Variants in ZNF569 observed in about 807,000 individuals in gnomAD.
The protein encoded by ZNF569 is zinc finger protein 569.
ZNF569 carries 38 observed loss-of-function variants against 56.3 expected under a neutral mutation model. That is an observed-to-expected ratio of 0.68 (90% CI 0.52 to 0.88). The LOEUF is 0.88. Among genes scored for constraint, ZNF569 ranks in the 40% least tolerant of loss-of-function variants. ZNF569 has a pLI of 0.00. For missense variants in ZNF569, 666 were observed against 809.2 expected (o/e 0.82, Z 2.15); for synonymous variants, 241 against 262.9 (o/e 0.92, Z 0.81).
At chr19:37,435,506 T>G (rs1367874513) in intron 3 of ZNF569, among the ~76,000 whole-genome samples, 4 of 152,062 alleles carry the variant, frequency 2.6e-5, no homozygotes, top group Admixed American at 6.6e-5. Flanking sequence ...GGACTAACAT[T>G]TGAATGTAAA....
At chr19:37,429,580 T>C (rs1199036066) in intron 3 of ZNF569, among the ~76,000 whole-genome samples, 1 of 152,236 alleles carries the variant, frequency 6.6e-6, no homozygotes, top group East Asian at 1.9e-4. Context: ...GCTCGAATCC[T>C]CTTTAAGGGA....
intron 3 of ZNF569, among the ~76,000 whole-genome samples, chr19:37,439,230 C>T (rs2041364243): frequency 6.6e-6 from 1 of 152,192 alleles, no homozygotes; most frequent in South Asian, 2.1e-4. Flanking sequence ...ACCACCATGC[C>T]TGGCTCATTT....
At chr19:37,450,761 T>A (rs1195457860) in intron 2 of ZNF569, among the ~76,000 whole-genome samples, 1 of 152,208 alleles carries the variant, frequency 6.6e-6, no homozygotes, top group Non-Finnish European at 1.5e-5. Context: ...TAAGAGCTTA[T>A]CCATATGAAT....
intron 2 of ZNF569, among the ~76,000 whole-genome samples, chr19:37,463,227 A>G (rs776662723): frequency 9.2e-5 from 14 of 152,004 alleles, no homozygotes; most frequent in Non-Finnish European, 1.9e-4. Context: ...AAAGTACTAC[A>G]ATACAGTCAT....
At chr19:37,439,904 C>T (rs1214290361) in intron 3 of ZNF569, among the ~76,000 whole-genome samples, 1 of 152,084 alleles carries the variant, frequency 6.6e-6, no homozygotes, top group Non-Finnish European at 1.5e-5. Flanking sequence ...TTACCAGCAG[C>T]TAGGAAGGAT....
At chr19:37,415,651 G>C (rs559569555) in intron 5 of ZNF569, among the ~76,000 whole-genome samples, 1 of 150,448 alleles carries the variant, frequency 6.6e-6, no homozygotes, top group African/African-American at 2.4e-5. Flanking sequence ...CGGGCGGATC[G>C]CGAGGTCAGG....
At chr19:37,414,785 C>T (rs887421298) in intron 5 of ZNF569, among the ~76,000 whole-genome samples, 25 of 152,074 alleles carry the variant, frequency 1.6e-4, no homozygotes, top group Non-Finnish European at 1.0e-4. Context: ...GATCATTTTG[C>T]GGGACTCTAT....
Position 37,414,055 on chromosome 19 carries a change from G to A in ZNF569, c.603C>T (p.Leu201=). 6.2e-7 allele frequency: 1 copy of A among 1,613,510 alleles called. No individual in the cohort carries two copies. Among genetic ancestry groups the A allele is most frequent in the Non-Finnish European group, 8.5e-7 (1 of 1,179,868 alleles). Residue 201 remains leucine, a synonymous_variant, in exon 6 of 6, where the codon CTC becomes CTT. Coordinates refer to ENST00000316950, the MANE Select transcript of ZNF569 (RefSeq NM_152484.3). The part of the protein sequence containing the change: ...CGKGFNQTLD[L]IRHLRIHTGE... ...CAGTATGAATTCTCAGATGTCTGAT[G>A]AGGTCCAAAGTCTGATTGAAGCCTT... is the stretch of plus-strand genomic sequence containing the variant.
At chr19:37,468,073 T>G (rs985895122), upstream of ZNF569, 31 of 506,554 alleles carry the variant, frequency 6.1e-5, no homozygotes, top group Admixed American at 4.2e-5. Context: ...CCTTTCGTGT[T>G]TTTTTTTTTT....
chr19:37,412,443 T>A lies in ZNF569; in HGVS notation c.*154A>T. The A allele has an allele frequency of 7.7e-7, 1 of 1,296,054 alleles. No homozygotes were observed. Among genetic ancestry groups the A allele is most frequent in the Non-Finnish European group, 9.9e-7 (1 of 1,008,794 alleles). 80.3% of individuals were successfully genotyped at this position (1,296,054 alleles called of 1,614,324 possible). A position where few individuals can be genotyped will look rare whatever the true frequency, so the allele number is the denominator to read the frequency against. On this transcript the variant is annotated 3_prime_UTR_variant, in exon 6 of 6. Coordinates refer to ENST00000316950, the MANE Select transcript of ZNF569 (RefSeq NM_152484.3). ...CTTTTTCATTATATAATTTGTCACC[T>A]TGGAAGAATTCTCTAATGTTTCATA...
chr19:37,413,728 C>T lies in ZNF569; in HGVS notation c.930G>A (p.Lys310=), dbSNP rs749299704. ...CNECGKAFSQ[K]QSLIAHQKVH... ...CTTTCTGATGTGCAATGAGGCTTTG[C>T]TTCTGGCTGAATGCTTTTCCACACT... Residue 310 remains lysine (K), a synonymous_variant, in exon 6 of 6, where the codon AAG becomes AAA. Coordinates refer to ENST00000316950, the MANE Select transcript of ZNF569 (RefSeq NM_152484.3). 14 of 1,613,328 alleles carry T rather than the reference C, an allele frequency of 8.7e-6. No individual in the cohort carries two copies. The South Asian group carries it at 1.5e-4, about 18-fold the overall frequency.
rs1307081714 is a variant in ZNF569, at chr19:37,413,264, G to A, written c.1394C>T (p.Pro465Leu). 2 of 1,611,038 alleles carry A rather than the reference G, an allele frequency of 1.2e-6. No individual in the cohort carries two copies. The highest frequency in any genetic ancestry group is 1.7e-5 in the Admixed American group (1 of 59,298). The change falls in exon 6 of 6, where the codon CCC becomes CTC. Residue 465 changes from proline to leucine, a missense_variant. By Grantham distance (98) the Pro-to-Leu change is moderately conservative. Transcript: ENST00000316950. ...RHQRIHTGEK[P>L]YICKECGKAF... Reference sequence around the variant, plus strand: ...TTTCCCACATTCCTTACATATATAGGGTTTTTCCCCAGTATGAATTCTCTG... The same window carrying A: ...TTTCCCACATTCCTTACATATATAGAGTTTTTCCCCAGTATGAATTCTCTG...
chr19:37,467,740 G>A (rs1379051078), upstream of ZNF569: 3 of 721,424 alleles, frequency 4.2e-6, no homozygotes, highest in East Asian at 2.7e-5. Context: ...GTGAAACTTC[G>A]GCCATGGAAT....
At chr19:37,468,393 A>C (rs2041888666), upstream of ZNF569, among the ~76,000 whole-genome samples, 1 of 152,152 alleles carries the variant, frequency 6.6e-6, no homozygotes, top group Non-Finnish European at 1.5e-5. Context: ...GCCGGTCTTA[A>C]TACCTTTAAT....
upstream of ZNF569, chr19:37,468,072 T>TG: frequency 4.9e-6 from 1 of 203,490 alleles, no homozygotes; most frequent in East Asian, 7.6e-5. Flanking sequence ...GCCTTTCGTG[T>TG]TTTTTTTTTT....
chr19:37,436,461 T>C (rs1449877940), intron 3 of ZNF569, among the ~76,000 whole-genome samples: 2 of 151,046 alleles, frequency 1.3e-5, no homozygotes, highest in African/African-American at 2.4e-5. Flanking sequence ...CTCAAAATTA[T>C]TAGAAGAAAA....
Position 37,452,649 on chromosome 19 carries a change from C to G in ZNF569, c.-43-7685G>C, listed in dbSNP as rs542932938. 1.4e-4 allele frequency among the ~76,000 whole-genome samples: 22 copies of G among 152,242 alleles called. 1 individual carries two copies. In the South Asian group the frequency reaches 3.7e-3, roughly 26 times the overall value. Reference sequence around the variant, plus strand: ...TTTGAATATATCATTCTACTCTGTTCTCGCCTGCAAAGTTTCTGCTGAAAA... The same window carrying G: ...TTTGAATATATCATTCTACTCTGTTGTCGCCTGCAAAGTTTCTGCTGAAAA... On this transcript the variant is annotated intron_variant, in intron 2 of 5. Coordinates refer to ENST00000316950, the MANE Select transcript of ZNF569 (RefSeq NM_152484.3).
chr19:37,431,489 A>T (rs921018917), intron 3 of ZNF569: 6 of 152,310 alleles, frequency 3.9e-5, no homozygotes, highest in African/African-American at 1.4e-4. Flanking sequence ...TCTTCGCAGC[A>T]TTTATCACCT....
upstream of ZNF569, chr19:37,467,854 G>A: frequency 2.0e-6 from 3 of 1,535,506 alleles, no homozygotes; most frequent in Non-Finnish European, 2.6e-6. Flanking sequence ...TATTCTCGTG[G>A]CTGTTTGATT....
Sources: gnomAD v4.1 joint callset for allele counts (sites outside exome capture counted in the v4.1 genomes callset) on GRCh38, gnomAD v4.1.1 for gene constraint, MANE v1.5 for transcripts, NCBI Gene and HGNC (gene_info 2026-07-23, HGNC 2026-07-21) for gene names.